UBA6: variants seen among roughly 807,000 people sequenced by gnomAD.
The protein encoded by UBA6 is ubiquitin-like modifier-activating enzyme 6.
Under a neutral mutation model 148.3 loss-of-function variants are expected in UBA6, and 87 were observed. That is an observed-to-expected ratio of 0.59 (90% CI 0.49 to 0.70). The LOEUF (loss-of-function observed/expected upper bound fraction) is 0.70, where lower values mean the gene tolerates loss of function less well. Among genes scored for constraint, UBA6 ranks in the 30% least tolerant of loss-of-function variants. The probability of loss-of-function intolerance (pLI) is 0.00; values close to 1 mark genes in which losing one functional copy is unlikely to be tolerated. For synonymous variants in UBA6, 376 were observed against 401.0 expected (o/e 0.94, Z 0.75); for missense variants, 1,186 against 1,241.2 (o/e 0.96, Z 0.67).
rs116410923 is a variant in UBA6, at chr4:67,663,289, T to G, written c.961-74A>C. 596 of 925,016 alleles carry G rather than the reference T, an allele frequency of 6.4e-4. No homozygotes were observed. The African/African-American group carries it at 8.9e-3, about 14-fold the overall frequency. The allele number at this position is 925,016 out of a possible 1,614,324, so 57.3% of individuals were successfully genotyped here. A position where few individuals can be genotyped will look rare whatever the true frequency, so the allele number is the denominator to read the frequency against. ...TCCCAGGCACTGGGCTAAATACTTT[T>G]AAAACATTATTTAACCATCATAATA... On this transcript the variant is annotated intron_variant, in intron 11 of 32. Coordinates refer to ENST00000322244, the MANE Select transcript of UBA6 (RefSeq NM_018227.6).
chr4:67,632,564 C>A (rs2109902868), intron 23 of UBA6, among the ~76,000 whole-genome samples: 1 of 152,118 alleles, frequency 6.6e-6, no homozygotes, highest in South Asian at 2.1e-4. Flanking sequence ...TCATTGATAA[C>A]CATGTTAAGA....
chr4:67,682,253 C>T lies in UBA6; in HGVS notation c.135-40G>A, dbSNP rs1454535861. 6 of 1,481,854 alleles carry T rather than the reference C, an allele frequency of 4.0e-6. No individual in the cohort carries two copies. In the South Asian group the frequency reaches 7.0e-5, roughly 17 times the overall value. 91.8% of individuals were successfully genotyped at this position (1,481,854 alleles called of 1,614,324 possible). A position where few individuals can be genotyped will look rare whatever the true frequency, so the allele number is the denominator to read the frequency against. ...CAATAAAAAACAAAAAATTATTTCA[C>T]TGAAATTATAATATCTCTTAAAGTT... On this transcript the variant is annotated intron_variant, in intron 2 of 32. Transcript: ENST00000322244.
intron 19 of UBA6, among the ~76,000 whole-genome samples, chr4:67,637,278 G>T (rs1729181496): frequency 2.0e-5 from 3 of 151,076 alleles, no homozygotes; most frequent in Admixed American, 6.6e-5. Flanking sequence ...GTGGAGGGCA[G>T]CCCCTGCCCG....
chr4:67,683,940 G>A (rs1461783889), intron 2 of UBA6, among the ~76,000 whole-genome samples: 2 of 152,108 alleles, frequency 1.3e-5, no homozygotes, highest in Admixed American at 6.5e-5. Flanking sequence ...GGATGAGGTG[G>A]TGGGTGCCTG....
chr4:67,696,583 T>A, intron 2 of UBA6, 62 bp downstream of exon 2: 1 of 1,320,108 alleles, frequency 7.6e-7, no homozygotes, highest in South Asian at 1.3e-5. Context: ...TCAAAGAGAC[T>A]ACTTGATTAT....
chr4:67,673,312 G>A (rs1230081785), intron 7 of UBA6, among the ~76,000 whole-genome samples: 2 of 151,494 alleles, frequency 1.3e-5, no homozygotes, highest in Non-Finnish European at 2.9e-5. Context: ...GCTACTCAGG[G>A]GACTGAGACA....
At chr4:67,687,150 C>G (rs1730592767) in intron 2 of UBA6, among the ~76,000 whole-genome samples, 1 of 148,340 alleles carries the variant, frequency 6.7e-6, no homozygotes, top group Non-Finnish European at 1.5e-5. Context: ...ATTCTCCTGT[C>G]TCAGCCTCCC....
At chr4:67,658,589 G>C (rs550744748) in intron 13 of UBA6, among the ~76,000 whole-genome samples, 13 of 152,076 alleles carry the variant, frequency 8.5e-5, no homozygotes, top group Non-Finnish European at 1.9e-4. Flanking sequence ...ACAGGTACTA[G>C]GCTTAATACC....
intron 9 of UBA6, 139 bp from the exon 10 acceptor site, chr4:67,665,431 G>T (rs1052523365): frequency 1.5e-3 from 504 of 344,392 alleles, no homozygotes; most frequent in South Asian, 2.3e-3. Flanking sequence ...TTGTTTGTTT[G>T]TTTTTTTTTT....
chr4:67,623,285 C>T (rs1434700971), intron 30 of UBA6, 63 bp from the exon 31 acceptor site: 2 of 1,279,058 alleles, frequency 1.6e-6, no homozygotes, highest in Admixed American at 2.0e-5. Flanking sequence ...TGATGACACA[C>T]ACACAAAAAA....
At chr4:67,633,174 T>C (rs354863) in intron 23 of UBA6, among the ~76,000 whole-genome samples, 171 bp downstream of exon 23, 37,075 of 152,092 alleles carry the variant, frequency 0.24, 4,662 homozygotes, top group Middle Eastern at 0.31. Flanking sequence ...GCTTCTTCTA[T>C]TCTGAACAAA....
At chr4:67,646,864 T>C in intron 14 of UBA6, 73 bp from the exon 15 acceptor site, 1 of 862,790 alleles carries the variant, frequency 1.2e-6, no homozygotes. Context: ...TCCTTTATAG[T>C]TATTTAATAG....
intron 25 of UBA6, 122 bp from the exon 26 acceptor site, chr4:67,630,657 C>A: frequency 6.4e-6 from 4 of 621,970 alleles, no homozygotes; most frequent in Non-Finnish European, 7.5e-6. Flanking sequence ...ATTATTATTT[C>A]AAGTTTTTTT....
At chr4:67,641,716 T>G (rs977822666) in intron 17 of UBA6, among the ~76,000 whole-genome samples, 2 of 151,846 alleles carry the variant, frequency 1.3e-5, no homozygotes, top group African/African-American at 4.8e-5. Flanking sequence ...GTAACTAAAG[T>G]TTTATTGAAA....
chr4:67,650,562 G>T (rs1436925339), intron 13 of UBA6, among the ~76,000 whole-genome samples: 1 of 152,062 alleles, frequency 6.6e-6, no homozygotes, highest in Non-Finnish European at 1.5e-5. Context: ...AACAGTGACA[G>T]GGCTTCAGTA....
chr4:67,634,247 A>T lies in UBA6; in HGVS notation c.2008T>A (p.Leu670Ile), dbSNP rs764319341. 1.3e-6 allele frequency: 2 copies of T among 1,582,668 alleles called. No individual in the cohort carries two copies. Among genetic ancestry groups the T allele is most frequent in the East Asian group, 4.5e-5 (2 of 44,486 alleles). Residue 670 changes from leucine (L) to isoleucine (I), a missense_variant, in exon 22 of 33, where the codon TTA (leucine) becomes ATA (isoleucine). Transcript: ENST00000322244. Reference sequence around the variant, plus strand: ...TAAAATTTACTGATTTTTACCTGTAAGACTTCTTCTGCAGATGAATAGGTT... The same window carrying T: ...TAAAATTTACTGATTTTTACCTGTATGACTTCTTCTGCAGATGAATAGGTT... ...WQTYSSAEEV[L>I]QKIQSGHSLE...
intron 2 of UBA6, among the ~76,000 whole-genome samples, chr4:67,694,215 CAAAAAAAA>C (rs769649769): frequency 4.5e-4 from 19 of 41,868 alleles, no homozygotes; most frequent in South Asian, 1.3e-3. Flanking sequence ...GACTCCATCT[CAAAAAAAA>C]AAAAAAAAAA....
chr4:67,623,159 G>A lies in UBA6; in HGVS notation c.2904C>T (p.Leu968=), dbSNP rs1444798300. Residue 968 remains leucine, a synonymous_variant, in exon 31 of 33, where the codon CTC becomes CTT. Coordinates refer to ENST00000322244, the MANE Select transcript of UBA6 (RefSeq NM_018227.6). ...CTTTGACTGCATTTATGAAATCCAAGAGGGTGAAATCTTCTTTTCCATGTA... is the reference window on the plus strand; with the variant it reads ...CTTTGACTGCATTTATGAAATCCAAAAGGGTGAAATCTTCTTTTCCATGTA... The part of the protein sequence containing the change: ...WTVHGKEDFT[L]LDFINAVKEK... 7 of 1,612,710 alleles carry A rather than the reference G, an allele frequency of 4.3e-6. No homozygotes were observed. The East Asian group carries it at 1.1e-4, about 26-fold the overall frequency.
At chr4:67,642,707 ATC>A (rs963684749) in intron 17 of UBA6, among the ~76,000 whole-genome samples, 3 of 151,942 alleles carry the variant, frequency 2.0e-5, no homozygotes, top group Non-Finnish European at 2.9e-5. Flanking sequence ...CTATTATGCA[ATC>A]TCTTTTTTTA....
Sources: gnomAD v4.1 joint callset for allele counts (sites outside exome capture counted in the v4.1 genomes callset) on GRCh38, gnomAD v4.1.1 for gene constraint, MANE v1.5 for transcripts, NCBI Gene and HGNC (gene_info 2026-07-23, HGNC 2026-07-21) for gene names.